The following PCNX1 variants were observed in gnomAD, a reference collection of about 807,000 sequenced individuals.
The protein encoded by PCNX1 is pecanex 1.
Under a neutral mutation model 242.2 loss-of-function variants are expected in PCNX1, and 78 were observed. The ratio of observed to expected loss-of-function variants is 0.32; its 90% CI spans 0.27 to 0.39. PCNX1 has a LOEUF of 0.39. Among genes scored for constraint, PCNX1 ranks in the 10% least tolerant of loss-of-function variants. The pLI, the probability that PCNX1 is intolerant of heterozygous loss-of-function variation, is 1.00. For synonymous variants in PCNX1, 1,024 were observed against 1,032.9 expected, an observed-to-expected ratio of 0.99 and a Z score of 0.17; for missense variants, 2,581 against 2,856.5, an observed-to-expected ratio of 0.90 and a Z score of 2.20.
intron 1 of PCNX1, among the ~76,000 whole-genome samples, chr14:70,918,876 G>C (rs1365962256): frequency 9.5e-6 from 1 of 105,578 alleles, no homozygotes; most frequent in Non-Finnish European, 2.0e-5. Flanking sequence ...TTTGTTGGTG[G>C]TTTTTTGGTT....
chr14:71,017,796 A>G (rs1223389511), intron 11 of PCNX1, among the ~76,000 whole-genome samples: 1 of 152,216 alleles, frequency 6.6e-6, no homozygotes, highest in Admixed American at 6.5e-5. Flanking sequence ...CTAAAATCAA[A>G]TGGAAATGCC....
At chr14:71,018,921 T>G in intron 11 of PCNX1, 88 bp from the exon 12 acceptor site, 10 of 1,142,008 alleles carry the variant, frequency 8.8e-6, no homozygotes, top group Non-Finnish European at 1.3e-5. Context: ...ACCATGAACT[T>G]CATATTTATG....
intron 17 of PCNX1, 129 bp from the exon 18 acceptor site, chr14:71,033,802 A>G: frequency 1.6e-6 from 1 of 641,926 alleles, no homozygotes; most frequent in Admixed American, 3.2e-5. Flanking sequence ...AACATTTTAG[A>G]ATTTCTCATT....
rs987339460 is a variant in PCNX1, at chr14:70,977,012, A to G, written c.675A>G (p.Leu225=). The G allele has an allele frequency of 6.8e-6, 11 of 1,613,970 alleles. No individual in the cohort carries two copies. The highest frequency in any genetic ancestry group is 8.5e-6 in the Non-Finnish European group (10 of 1,179,964). The change falls in exon 6 of 36, where the codon TTA becomes TTG. Residue 225 remains leucine, a synonymous_variant. Coordinates refer to ENST00000304743, the MANE Select transcript of PCNX1 (RefSeq NM_014982.3). The part of the protein sequence containing the change: ...NDSFISIQPS[L]SSCGQDLPRD... ...CCTTCATCTCTATTCAGCCTTCCTT[A>G]TCCTCTTGTGGACAGGACTTGCCAA... is the stretch of plus-strand genomic sequence containing the variant.
At chr14:71,063,361 T>A (rs1179709729) in intron 26 of PCNX1, among the ~76,000 whole-genome samples, 1 of 152,232 alleles carries the variant, frequency 6.6e-6, no homozygotes. Context: ...TTTTAGAATA[T>A]AGGCAGATTG....
chr14:70,971,881 A>G (rs2140048188), intron 5 of PCNX1, among the ~76,000 whole-genome samples: 1 of 152,356 alleles, frequency 6.6e-6, no homozygotes, highest in East Asian at 1.9e-4. Flanking sequence ...TGAAGGGCCA[A>G]ACAGTATGGA....
chr14:70,973,678 G>T (rs1041976612), intron 5 of PCNX1, among the ~76,000 whole-genome samples: 4 of 152,014 alleles, frequency 2.6e-5, no homozygotes, highest in African/African-American at 9.7e-5. Flanking sequence ...CAACATGTTT[G>T]TATAATTGAT....
Position 71,034,010 on chromosome 14 carries a change from C to T in PCNX1, c.3748C>T (p.Leu1250=). ...CCCTCTATCTGAAGTAAAAGATCCA[C>T]TGCCTGAAAAACTTAGAAATTCTGT... is the stretch of plus-strand genomic sequence containing the variant. ...EDPLSEVKDP[L]PEKLRNSVSE... Residue 1250 remains leucine, a synonymous_variant, in exon 18 of 36, where the codon CTG becomes TTG. Coordinates refer to ENST00000304743, the MANE Select transcript of PCNX1 (RefSeq NM_014982.3). 1.9e-6 allele frequency: 3 copies of T among 1,600,860 alleles called. No individual in the cohort carries two copies. The highest frequency in any genetic ancestry group is 2.2e-5 in the East Asian group (1 of 44,584).
chr14:71,007,888 C>T (rs1344024220), intron 8 of PCNX1, among the ~76,000 whole-genome samples: 1 of 151,512 alleles, frequency 6.6e-6, no homozygotes, highest in South Asian at 2.1e-4. Flanking sequence ...CGGCTTGTAT[C>T]ATTTCATTTT....
chr14:70,957,273 C>G (rs2058032342), intron 2 of PCNX1, among the ~76,000 whole-genome samples: 1 of 152,114 alleles, frequency 6.6e-6, no homozygotes, highest in African/African-American at 2.4e-5. Flanking sequence ...CAGGCATGAA[C>G]CACACACCCA....
chr14:70,942,801 A>G (rs1388751423), intron 1 of PCNX1: 3 of 152,202 alleles, frequency 2.0e-5, no homozygotes, highest in Admixed American at 6.5e-5. Context: ...TTTGGTGATT[A>G]ATATGGTTTG....
chr14:70,988,761 G>T (rs890799449), intron 7 of PCNX1, 62 bp downstream of exon 7: 11 of 1,528,758 alleles, frequency 7.2e-6, no homozygotes, highest in Admixed American at 5.3e-5. Flanking sequence ...AATCTGTTCC[G>T]CCAGTCCCAA....
At chr14:71,007,733 A>G (rs1401721577) in intron 8 of PCNX1, among the ~76,000 whole-genome samples, 1 of 152,196 alleles carries the variant, frequency 6.6e-6, no homozygotes, top group South Asian at 2.1e-4. Flanking sequence ...TGAATACAGA[A>G]CAGAGCATTA....
chr14:71,034,441 T>C (rs1489484054), intron 18 of PCNX1, among the ~76,000 whole-genome samples: 1 of 152,180 alleles, frequency 6.6e-6, no homozygotes, highest in African/African-American at 2.4e-5. Context: ...GTCTTTTAGG[T>C]TGTTTTATTT....
intron 13 of PCNX1, among the ~76,000 whole-genome samples, chr14:71,024,412 A>G (rs951116941): frequency 1.3e-5 from 2 of 152,172 alleles, no homozygotes; most frequent in Admixed American, 1.3e-4. Flanking sequence ...TTTGGAAGCT[A>G]TCTTTCATGA....
At chr14:71,103,040 G>A (rs2062506557) in intron 31 of PCNX1, among the ~76,000 whole-genome samples, 1 of 152,004 alleles carries the variant, frequency 6.6e-6, no homozygotes, top group Admixed American at 6.5e-5. Context: ...ACCCACAAAT[G>A]TCATAAACAT....
intron 8 of PCNX1, among the ~76,000 whole-genome samples, chr14:71,008,655 CAAAAAAAA>C (rs777494885): frequency 2.7e-4 from 9 of 32,758 alleles, no homozygotes; most frequent in African/African-American, 3.9e-4. Context: ...GACTCTGTCT[CAAAAAAAA>C]AAAAAAAAAA....
intron 26 of PCNX1, among the ~76,000 whole-genome samples, chr14:71,065,624 A>G (rs1195721501): frequency 6.6e-6 from 1 of 151,706 alleles, no homozygotes; most frequent in African/African-American, 2.4e-5. Flanking sequence ...TTTAGTTTAG[A>G]TCCCATTTGT....
chr14:71,085,272 G>A (rs1368034456), intron 28 of PCNX1, among the ~76,000 whole-genome samples: 4 of 152,162 alleles, frequency 2.6e-5, no homozygotes, highest in East Asian at 1.9e-4. Context: ...GCTGTAGACC[G>A]GAGCTGTTCA....
Sources: gnomAD v4.1 joint callset for allele counts (sites outside exome capture counted in the v4.1 genomes callset) on GRCh38, gnomAD v4.1.1 for gene constraint, MANE v1.5 for transcripts, NCBI Gene and HGNC (gene_info 2026-07-23, HGNC 2026-07-21) for gene names.